Variants in CEP112 observed in about 807,000 individuals in gnomAD.
CEP112 encodes the protein centrosomal protein of 112 kDa.
In CEP112, 127 loss-of-function variants were observed where a neutral mutation model predicts 153.0. That is an observed-to-expected ratio of 0.83 (90% CI 0.72 to 0.96). The LOEUF (loss-of-function observed/expected upper bound fraction) is 0.96, where lower values mean the gene tolerates loss of function less well. CEP112 is among the 40% of genes least tolerant of loss of function. The pLI is 0.00. For missense variants in CEP112, 1,089 were observed against 1,101.2 expected (o/e 0.99, Z 0.16); for synonymous variants, 358 against 374.4 (o/e 0.96, Z 0.51).
chr17:65,764,209 C>CT (rs2052794516), intron 21 of CEP112, among the ~76,000 whole-genome samples: 1 of 152,190 alleles, frequency 6.6e-6, no homozygotes, highest in South Asian at 2.1e-4. Flanking sequence ...AATTTAGGTG[C>CT]TTGTAAAACC....
intron 20 of CEP112, among the ~76,000 whole-genome samples, chr17:65,895,914 A>C (rs1568186168): frequency 6.6e-6 from 1 of 152,048 alleles, no homozygotes; most frequent in Non-Finnish European, 1.5e-5. Context: ...AGTTCTCACC[A>C]CTGCAGTGAT....
chr17:65,723,524 C>G (rs377361281), intron 23 of CEP112, among the ~76,000 whole-genome samples: 8 of 152,194 alleles, frequency 5.3e-5, no homozygotes, highest in African/African-American at 1.9e-4. Flanking sequence ...GCTCAGTTCT[C>G]CAGATGAGAG....
intron 21 of CEP112, among the ~76,000 whole-genome samples, chr17:65,761,324 G>T (rs1307736158): frequency 6.6e-6 from 1 of 151,712 alleles, no homozygotes; most frequent in Non-Finnish European, 1.5e-5. Context: ...ATGTTGCTCA[G>T]GCTGGATTCA....
At chr17:65,712,896 T>C (rs575117384) in intron 23 of CEP112, among the ~76,000 whole-genome samples, 2 of 152,080 alleles carry the variant, frequency 1.3e-5, no homozygotes, top group Non-Finnish European at 2.9e-5. Context: ...TAATGAGGCT[T>C]GCATTCATGC....
chr17:65,962,600 T>G (rs149578289), intron 17 of CEP112, among the ~76,000 whole-genome samples: 84 of 152,360 alleles, frequency 5.5e-4, no homozygotes, highest in African/African-American at 1.9e-3. Context: ...GAATTTTATA[T>G]GGTTTGGCTC....
intron 18 of CEP112, among the ~76,000 whole-genome samples, chr17:65,951,270 C>T (rs563618860): frequency 6.6e-5 from 10 of 152,266 alleles, no homozygotes; most frequent in Non-Finnish European, 1.5e-4. Context: ...AGTATTCCTT[C>T]TTCCTCAATA....
intron 21 of CEP112, among the ~76,000 whole-genome samples, chr17:65,851,391 T>A (rs2057926638): frequency 6.6e-6 from 1 of 152,218 alleles, no homozygotes; most frequent in African/African-American, 2.4e-5. Flanking sequence ...TATGTGACAC[T>A]GTTATAAAAA....
intron 17 of CEP112, among the ~76,000 whole-genome samples, chr17:65,971,670 T>C (rs1044442603): frequency 4.6e-5 from 7 of 152,076 alleles, no homozygotes; most frequent in African/African-American, 9.7e-5. Flanking sequence ...GCATGTATGT[T>C]ACATGCATAT....
At chr17:65,844,432 TCA>T (rs1373217526) in intron 21 of CEP112, among the ~76,000 whole-genome samples, 1 of 152,176 alleles carries the variant, frequency 6.6e-6, no homozygotes, top group African/African-American at 2.4e-5. Flanking sequence ...ATGCCTATAA[TCA>T]CAGCACTTTA....
chr17:66,178,633 G>A (rs538077492), intron 2 of CEP112, among the ~76,000 whole-genome samples: 2 of 152,126 alleles, frequency 1.3e-5, no homozygotes, highest in East Asian at 3.9e-4. Context: ...TCTCTGCCCA[G>A]ACCACTACCC....
intron 23 of CEP112, among the ~76,000 whole-genome samples, chr17:65,740,069 CTT>C (rs891598554): frequency 2.6e-5 from 4 of 151,986 alleles, no homozygotes; most frequent in Admixed American, 6.6e-5. Flanking sequence ...CTTTTTTTCT[CTT>C]GAGTTATACT....
chr17:65,906,326 G>A (rs57963093), intron 19 of CEP112, among the ~76,000 whole-genome samples: 26,339 of 151,848 alleles, frequency 0.17, 2,486 homozygotes, highest in Admixed American at 0.27. Flanking sequence ...TAGGTGACGG[G>A]TTGATGGGTG....
intron 5 of CEP112, among the ~76,000 whole-genome samples, chr17:66,132,168 C>CAAAAAAA (rs56221578): frequency 5.0e-5 from 2 of 39,884 alleles, no homozygotes; most frequent in African/African-American, 2.8e-4. Context: ...GACTCCATCT[C>CAAAAAAA]AAAAAAAAAA....
intron 20 of CEP112, among the ~76,000 whole-genome samples, chr17:65,887,364 A>T (rs565101958): frequency 6.6e-6 from 1 of 152,342 alleles, no homozygotes; most frequent in East Asian, 1.9e-4. Flanking sequence ...AGAAAATTTT[A>T]AATTAGGCCA....
At chr17:65,859,076 A>G (rs1393917994) in intron 20 of CEP112, among the ~76,000 whole-genome samples, 1 of 152,202 alleles carries the variant, frequency 6.6e-6, no homozygotes, top group Non-Finnish European at 1.5e-5. Context: ...TATGGAAAAA[A>G]CTGAATGTAA....
chr17:65,655,482 C>A, intron 24 of CEP112: 1 of 787,794 alleles, frequency 1.3e-6, no homozygotes, highest in South Asian at 1.6e-5. Context: ...CTCTTAGCAG[C>A]TCACAGAATA....
intron 8 of CEP112, among the ~76,000 whole-genome samples, chr17:66,080,400 A>T (rs2146166394): frequency 1.3e-5 from 2 of 152,354 alleles, no homozygotes; most frequent in South Asian, 4.1e-4. Context: ...CGGCCAACAA[A>T]CATACGAAGA....
chr17:66,061,515 G>A (rs188989055), intron 11 of CEP112, among the ~76,000 whole-genome samples: 19 of 151,654 alleles, frequency 1.3e-4, no homozygotes, highest in Middle Eastern at 3.4e-3. Context: ...GTCAAGATAT[G>A]AAATCAATGT....
intron 21 of CEP112, among the ~76,000 whole-genome samples, chr17:65,832,311 C>T (rs577282458): frequency 6.6e-6 from 1 of 150,902 alleles, no homozygotes; most frequent in Admixed American, 6.6e-5. Flanking sequence ...AAATCAACCT[C>T]AAAGCTAGCA....
Sources: gnomAD v4.1 joint callset for allele counts (sites outside exome capture counted in the v4.1 genomes callset) on GRCh38, gnomAD v4.1.1 for gene constraint, MANE v1.5 for transcripts, NCBI Gene and HGNC (gene_info 2026-07-23, HGNC 2026-07-21) for gene names.